The following ANKS1B variants were observed in gnomAD, a reference collection of about 807,000 sequenced individuals.
ANKS1B encodes the protein ankyrin repeat and sterile alpha motif domain containing 1B, also known as ankyrin repeat and sterile alpha motif domain-containing protein 1B.
Under a neutral mutation model 148.3 loss-of-function variants are expected in ANKS1B, and 36 were observed. That is an observed-to-expected ratio of 0.24 (90% CI 0.19 to 0.32). The LOEUF (loss-of-function observed/expected upper bound fraction) is 0.32, where lower values mean the gene tolerates loss of function less well. ANKS1B is among the 10% of genes least tolerant of loss of function. The pLI, the probability that ANKS1B is intolerant of heterozygous loss-of-function variation, is 1.00. For missense variants in ANKS1B, 1,157 were observed against 1,542.6 expected, an observed-to-expected ratio of 0.75 and a Z score of 4.19; for synonymous variants, 542 against 560.8, an observed-to-expected ratio of 0.97 and a Z score of 0.47.
At chr12:98,826,400 T>C (rs2099249030) in intron 19 of ANKS1B, among the ~76,000 whole-genome samples, 1 of 152,152 alleles carries the variant, frequency 6.6e-6, no homozygotes, top group Non-Finnish European at 1.5e-5. Flanking sequence ...TAAATTTATC[T>C]CAATTTAACT....
At chr12:98,892,599 C>A (rs140857543) in intron 17 of ANKS1B, among the ~76,000 whole-genome samples, 244 of 152,278 alleles carry the variant, frequency 1.6e-3, no homozygotes, top group Middle Eastern at 6.8e-3. Flanking sequence ...AGAAATTTGG[C>A]TAAACTTGCA....
chr12:99,138,565 G>A (rs2153787203), intron 15 of ANKS1B, among the ~76,000 whole-genome samples: 1 of 152,330 alleles, frequency 6.6e-6, no homozygotes, highest in South Asian at 2.1e-4. Flanking sequence ...ATCTGGGTGA[G>A]CCTATCTGGG....
chr12:99,720,294 T>C (rs908988681), intron 8 of ANKS1B, among the ~76,000 whole-genome samples: 1 of 152,162 alleles, frequency 6.6e-6, no homozygotes, highest in Non-Finnish European at 1.5e-5. Flanking sequence ...AAAACTAAAA[T>C]ATCTCTTAGT....
rs536705426 is a variant in ANKS1B at position 99,397,885 on chromosome 12, G to A, written c.1756+1746C>T. 3.9e-5 allele frequency among the ~76,000 whole-genome samples: 6 copies of A among 152,180 alleles called. No homozygotes were observed. The South Asian group carries it at 8.3e-4, about 21-fold the overall frequency. ...AAGGCCTCTATGAGGAAATGCATTT[G>A]AACCAAAACCTAAATGACACTTAGG... On this transcript the variant is annotated intron_variant, in intron 12 of 26. Coordinates refer to ENST00000683438, the MANE Select transcript of ANKS1B (RefSeq NM_001352186.2).
At chr12:99,437,904 C>T (rs2095487481) in intron 11 of ANKS1B, among the ~76,000 whole-genome samples, 1 of 151,928 alleles carries the variant, frequency 6.6e-6, no homozygotes, top group Non-Finnish European at 1.5e-5. Flanking sequence ...TTTTCCCACT[C>T]TTCAATTCCT....
intron 12 of ANKS1B, among the ~76,000 whole-genome samples, chr12:99,372,778 A>G (rs533148760): frequency 4.6e-5 from 7 of 152,182 alleles, no homozygotes; most frequent in African/African-American, 1.7e-4. Flanking sequence ...AGCTGCTTAC[A>G]TTCCTACTCT....
chr12:99,083,835 C>T (rs1431696545), intron 16 of ANKS1B: 1 of 152,134 alleles, frequency 6.6e-6, no homozygotes, highest in Admixed American at 6.5e-5. Context: ...CAAGTACTAA[C>T]CAGACCCGAA....
At chr12:99,269,238 A>G (rs1260324185) in intron 12 of ANKS1B, among the ~76,000 whole-genome samples, 1 of 152,218 alleles carries the variant, frequency 6.6e-6, no homozygotes, top group Non-Finnish European at 1.5e-5. Context: ...GTTTTATATC[A>G]AGCAAATACA....
chr12:98,764,511 A>G (rs142364225), intron 25 of ANKS1B, among the ~76,000 whole-genome samples: 1,992 of 152,156 alleles, frequency 0.013, 23 homozygotes, highest in Admixed American at 0.031. Context: ...TACAGGCGTG[A>G]GCCACCGCGC....
chr12:98,782,170 C>T (rs1437071841), intron 22 of ANKS1B, 33 bp from the exon 23 acceptor site: 1 of 1,575,536 alleles, frequency 6.3e-7, no homozygotes, highest in Non-Finnish European at 8.7e-7. Flanking sequence ...CAGATGGGAA[C>T]ATAATAGGAG....
At chr12:99,467,793 T>C (rs2152890169) in intron 10 of ANKS1B, among the ~76,000 whole-genome samples, 1 of 152,164 alleles carries the variant, frequency 6.6e-6, no homozygotes, top group South Asian at 2.1e-4. Context: ...TAAAAGAGGA[T>C]ACAAAGAAAT....
At chr12:99,024,467 T>C (rs1371126892) in intron 17 of ANKS1B, among the ~76,000 whole-genome samples, 1 of 152,200 alleles carries the variant, frequency 6.6e-6, no homozygotes, top group Non-Finnish European at 1.5e-5. Flanking sequence ...AACATTCTTT[T>C]ACATGGGTTT....
chr12:99,215,545 C>T (rs1387605649), intron 14 of ANKS1B, among the ~76,000 whole-genome samples: 1 of 152,234 alleles, frequency 6.6e-6, no homozygotes, highest in African/African-American at 2.4e-5. Context: ...AGGGCTGGAG[C>T]TGCCCAAGGC....
chr12:99,159,046 C>T (rs117358663), intron 14 of ANKS1B, among the ~76,000 whole-genome samples: 78 of 152,166 alleles, frequency 5.1e-4, no homozygotes, highest in Non-Finnish European at 8.5e-4. Flanking sequence ...TCACTGCCCT[C>T]GACTGCTTAC....
At chr12:99,741,309 A>G (rs982424264) in intron 8 of ANKS1B, among the ~76,000 whole-genome samples, 2 of 151,930 alleles carry the variant, frequency 1.3e-5, no homozygotes, top group African/African-American at 4.8e-5. Flanking sequence ...TGTTGATGGG[A>G]GTTCGACCAT....
intron 12 of ANKS1B, among the ~76,000 whole-genome samples, chr12:99,293,353 G>T (rs1007471718): frequency 6.6e-6 from 1 of 151,918 alleles, no homozygotes; most frequent in African/African-American, 2.4e-5. Flanking sequence ...GCCTGTCGGG[G>T]GGTGGGGGCT....
chr12:98,834,103 G>T (rs539203368), intron 17 of ANKS1B, among the ~76,000 whole-genome samples: 1 of 152,158 alleles, frequency 6.6e-6, no homozygotes, highest in Non-Finnish European at 1.5e-5. Context: ...GAGGGTAAAT[G>T]TTAGCCAAGG....
At chr12:99,818,274 C>T (rs2082115351) in intron 2 of ANKS1B, among the ~76,000 whole-genome samples, 1 of 151,802 alleles carries the variant, frequency 6.6e-6, no homozygotes, top group Admixed American at 6.6e-5. Context: ...CAAAGGAACA[C>T]ATCGCCTGTG....
At chr12:98,875,374 C>T (rs1369914816) in intron 17 of ANKS1B, among the ~76,000 whole-genome samples, 1 of 152,188 alleles carries the variant, frequency 6.6e-6, no homozygotes, top group East Asian at 1.9e-4. Flanking sequence ...ATAAGACAGG[C>T]CTAGGCATAG....
Sources: gnomAD v4.1 joint callset for allele counts (sites outside exome capture counted in the v4.1 genomes callset) on GRCh38, gnomAD v4.1.1 for gene constraint, MANE v1.5 for transcripts, NCBI Gene and HGNC (gene_info 2026-07-23, HGNC 2026-07-21) for gene names.